The following BNIP5 variants were observed in gnomAD, a reference collection of about 807,000 sequenced individuals.
The protein encoded by BNIP5 is protein BNIP5.
Under a neutral mutation model 67.3 loss-of-function variants are expected in BNIP5, and 61 were observed. The observed-to-expected ratio is 0.91, with a 90% CI of 0.74 to 1.12. The LOEUF is 1.12. Among genes scored for constraint, BNIP5 ranks in the 50% most tolerant of loss-of-function variants. The pLI is 0.00. For missense variants in BNIP5, 826 were observed against 816.3 expected, an observed-to-expected ratio of 1.01 and a Z score of -0.14; for synonymous variants, 317 against 319.0, an observed-to-expected ratio of 0.99 and a Z score of 0.07.
chr6:36,324,119 T>A lies in BNIP5; in HGVS notation c.1230+10A>T. On this transcript the variant is annotated intron_variant, in intron 7 of 11. Coordinates refer to ENST00000437635, the MANE Select transcript of BNIP5 (RefSeq NM_001010903.5). The stretch of plus-strand genomic sequence containing the variant: ...TGAGGTCAGGGTTACATGGGGAGCG[T>A]CTTCCTCACCTCCTCTCCTTGCTGT... The A allele has an allele frequency of 6.2e-7, 1 of 1,611,748 alleles. No homozygotes were observed. The highest frequency in any genetic ancestry group is 8.5e-7 in the Non-Finnish European group (1 of 1,177,950).
intron 8 of BNIP5, 147 bp from the exon 9 acceptor site, chr6:36,322,589 T>G: frequency 2.4e-6 from 2 of 824,718 alleles, no homozygotes; most frequent in Non-Finnish European, 3.8e-6. Flanking sequence ...CTCAGAGGAG[T>G]TCGTGGTGCA....
At chr6:36,335,596 G>C (rs1236355439) in intron 1 of BNIP5, among the ~76,000 whole-genome samples, 2 of 152,212 alleles carry the variant, frequency 1.3e-5, no homozygotes, top group African/African-American at 4.8e-5. Context: ...GGCTCTCAGT[G>C]TTTGTGAAAC....
intron 6 of BNIP5, 26 bp downstream of exon 6, chr6:36,325,257 T>G: frequency 6.2e-7 from 1 of 1,612,812 alleles, no homozygotes; most frequent in South Asian, 1.1e-5. Flanking sequence ...GCAAGGGGTG[T>G]CTGAGAAAAA....
rs750766674 is a variant in BNIP5, at chr6:36,325,342, G to T, written c.1109C>A (p.Thr370Asn). Residue 370 changes from threonine (T) to asparagine (N), a missense_variant, in exon 6 of 12, where the codon ACC (threonine) becomes AAC (asparagine). Physicochemically the swap from Thr to Asn is moderately conservative, Grantham distance 65 (BLOSUM62 0). Transcript: ENST00000437635. ...AGAPGPSVLP[T>N]PSESQEPGEE... Reference sequence around the variant, plus strand: ...TCCAGGTTCCTGGCTCTCTGATGGGGTGGGAAGCACGGAGGGACCTGGAGC... The same window carrying T: ...TCCAGGTTCCTGGCTCTCTGATGGGTTGGGAAGCACGGAGGGACCTGGAGC... The T allele has an allele frequency of 1.2e-6, 2 of 1,614,030 alleles. No homozygotes were observed. The highest frequency in any genetic ancestry group is 2.2e-5 in the South Asian group (2 of 91,088).
rs895745702 is a variant in BNIP5 at position 36,319,587 on chromosome 6, C to G, written c.1692G>C (p.Lys564Asn). 5 of 1,612,614 alleles carry G rather than the reference C, an allele frequency of 3.1e-6. No homozygotes were observed. Among genetic ancestry groups the G allele is most frequent in the Middle Eastern group, 3.3e-4 (2 of 6,076 alleles). The change falls in exon 11 of 12, where the codon AAG becomes AAC. Residue 564 changes from lysine to asparagine, a missense_variant. By Grantham distance (94) the Lys-to-Asn change is moderately conservative (BLOSUM62 0). Coordinates refer to ENST00000437635, the MANE Select transcript of BNIP5 (RefSeq NM_001010903.5). ...AGTCCGAGAACTCGTAAAAAAACCT[C>G]TTAAAGCTGGGGTGGCGCCTGATCT... ...GQQIRRHPSF[K>N]RFFYEFSDSS...
At chr6:36,327,118 G>A in intron 3 of BNIP5, 24 bp from the exon 4 acceptor site, 1 of 1,604,744 alleles carries the variant, frequency 6.2e-7, no homozygotes, top group South Asian at 1.1e-5. Flanking sequence ...AATGCATCCG[G>A]TTATTCTTTC....
rs760114250 is a variant in BNIP5 at position 36,323,393 on chromosome 6, C to T, written c.1371G>A (p.Gly457=). The change falls in exon 8 of 12, where the codon GGG becomes GGA. Residue 457 remains glycine, a synonymous_variant. Transcript: ENST00000437635. ...KHTSKEPRRA[G]AAGAASPEAR... Reference sequence around the variant, plus strand: ...CCTCTGGGCTGGCAGCCCCTGCTGCCCCCGCTCTTCTGGGTTCCTTGGAGG... The same window carrying T: ...CCTCTGGGCTGGCAGCCCCTGCTGCTCCCGCTCTTCTGGGTTCCTTGGAGG... 1.2e-6 allele frequency: 2 copies of T among 1,614,272 alleles called. No individual in the cohort carries two copies. The highest frequency in any genetic ancestry group is 2.2e-5 in the South Asian group (2 of 91,092).
chr6:36,325,826 C>T (rs1013712721), intron 5 of BNIP5, among the ~76,000 whole-genome samples: 2 of 152,190 alleles, frequency 1.3e-5, no homozygotes, highest in African/African-American at 4.8e-5. Flanking sequence ...ATTCTCCTGG[C>T]CAGGATGACC....
chr6:36,330,696 T>G lies in BNIP5; in HGVS notation c.-4-2A>C. ...GGGCACCTTGGATTCTCCATCGGGC[T>G]GCAACCAAAACACACAGCTCCCTTA... On this transcript the variant is annotated splice_acceptor_variant, in intron 1 of 11. Coordinates refer to ENST00000437635, the MANE Select transcript of BNIP5 (RefSeq NM_001010903.5). LOFTEE classifies it low-confidence loss of function (5UTR_SPLICE). The G allele has an allele frequency of 6.5e-7, 1 of 1,547,994 alleles. No individual in the cohort carries two copies. The highest frequency in any genetic ancestry group is 1.2e-5 in the South Asian group (1 of 83,744).
chr6:36,322,481 G>C, intron 8 of BNIP5, 39 bp from the exon 9 acceptor site: 2 of 1,590,318 alleles, frequency 1.3e-6, no homozygotes, highest in Non-Finnish European at 1.7e-6. Flanking sequence ...TTTGCAGAGA[G>C]CTGAATCTAG....
Position 36,324,131 on chromosome 6 carries a change from C to T in BNIP5, c.1228G>A (p.Glu410Lys). Residue 410 changes from glutamate (E) to lysine (K), a missense_variant and splice_region_variant, in exon 7 of 12, where the codon GAG (glutamate) becomes AAG (lysine). Transcript: ENST00000437635. The stretch of plus-strand genomic sequence containing the variant: ...TACATGGGGAGCGTCTTCCTCACCT[C>T]CTCTCCTTGCTGTTCTTCTGCATCT... ...LQDAEEQQGEEQPQVQQEEVG... is the reference protein window; with the variant it reads ...LQDAEEQQGEKQPQVQQEEVG... 2 of 1,613,594 alleles carry T rather than the reference C, an allele frequency of 1.2e-6. No homozygotes were observed. The highest frequency in any genetic ancestry group is 1.7e-6 in the Non-Finnish European group (2 of 1,179,562).
At chr6:36,331,883 C>T (rs1771915066) in intron 1 of BNIP5, among the ~76,000 whole-genome samples, 1 of 152,048 alleles carries the variant, frequency 6.6e-6, no homozygotes, top group South Asian at 2.1e-4. Context: ...TGGCCTCACT[C>T]TCATAGAGCC....
intron 5 of BNIP5, 53 bp from the exon 6 acceptor site, chr6:36,325,467 C>A: frequency 6.4e-7 from 1 of 1,562,248 alleles, no homozygotes; most frequent in Non-Finnish European, 8.6e-7. Flanking sequence ...GGGCTGTTAA[C>A]TATGCACAGA....
chr6:36,331,300 C>A (rs1271025431), intron 1 of BNIP5, among the ~76,000 whole-genome samples: 1 of 152,210 alleles, frequency 6.6e-6, no homozygotes, highest in Non-Finnish European at 1.5e-5. Context: ...GTCAGCCGCA[C>A]CTCCAGAGCC....
chr6:36,330,316 C>T lies in BNIP5; in HGVS notation c.375G>A (p.Gly125=). Residue 125 remains glycine, a synonymous_variant, in exon 2 of 12, where the codon GGG becomes GGA. Transcript: ENST00000437635. ...CCGGATGCTGGGAGATACCCTCCTT[C>T]CCCCTTGGCCTCCTGCTGGCCTTTT... The part of the protein sequence containing the change: ...PREKASRRPR[G]KEGISQHPEP... 6.2e-7 allele frequency: 1 copy of T among 1,614,220 alleles called. No individual in the cohort carries two copies. The highest frequency in any genetic ancestry group is 8.5e-7 in the Non-Finnish European group (1 of 1,180,044).
chr6:36,335,057 G>C (rs1771983797), intron 1 of BNIP5, among the ~76,000 whole-genome samples: 1 of 152,220 alleles, frequency 6.6e-6, no homozygotes, highest in Admixed American at 6.5e-5. Flanking sequence ...CTTCTGATAA[G>C]ATGTGACATT....
Position 36,327,106 on chromosome 6 carries a change from CA to C in BNIP5, c.728-13del. The C allele has an allele frequency of 6.2e-7, 1 of 1,610,908 alleles. No homozygotes were observed. Among genetic ancestry groups the C allele is most frequent in the Non-Finnish European group, 8.5e-7 (1 of 1,177,080 alleles). On this transcript the variant is annotated splice_polypyrimidine_tract_variant and intron_variant, in intron 3 of 11. Coordinates refer to ENST00000437635, the MANE Select transcript of BNIP5 (RefSeq NM_001010903.5). Reference sequence around the variant, plus strand: ...AATGATAGCATCCTCTGGAAGAAAGCAAATGCATCCGGTTATTCTTTCTAAA... The same window carrying C: ...AATGATAGCATCCTCTGGAAGAAAGCAATGCATCCGGTTATTCTTTCTAAA...
intron 1 of BNIP5, among the ~76,000 whole-genome samples, 189 bp from the exon 2 acceptor site, chr6:36,330,883 C>T (rs1771890890): frequency 6.6e-6 from 1 of 152,208 alleles, no homozygotes; most frequent in Admixed American, 6.5e-5. Context: ...CCTGCCTCAG[C>T]CTCCTGAGTA....
intron 6 of BNIP5, among the ~76,000 whole-genome samples, chr6:36,324,576 T>G (rs1200232340): frequency 8.1e-3 from 14 of 1,718 alleles, no homozygotes; most frequent in Middle Eastern, 0.17. Flanking sequence ...ACGGTGATAT[T>G]ATATATATAT....
Sources: allele counts gnomAD v4.1 joint callset (sites outside exome capture counted in the v4.1 genomes callset), GRCh38; gene constraint gnomAD v4.1.1; transcripts MANE v1.5; gene names NCBI Gene and HGNC (gene_info 2026-07-23, HGNC 2026-07-21).